Variants in SYNRG observed in about 807,000 individuals in gnomAD.
The protein encoded by SYNRG is AP1 gamma subunit binding protein 1.
SYNRG carries 37 observed loss-of-function variants against 130.9 expected under a neutral mutation model. The observed-to-expected ratio is 0.28, with a 90% CI of 0.22 to 0.37. The LOEUF (loss-of-function observed/expected upper bound fraction) is 0.37. Ranked by LOEUF, SYNRG falls within the 10% of genes least tolerant of loss-of-function variation. The pLI is 1.00. For synonymous variants in SYNRG, 539 were observed against 568.1 expected, an observed-to-expected ratio of 0.95 and a Z score of 0.73; for missense variants, 1,338 against 1,588.9, an observed-to-expected ratio of 0.84 and a Z score of 2.68.
rs560514914 is a variant in SYNRG, at chr17:37,536,312, T to C, written c.3518-185A>G. The C allele has an allele frequency of 7.4e-5, 53 of 718,922 alleles. No individual in the cohort carries two copies. In the East Asian group the frequency reaches 1.2e-3, roughly 16 times the overall value. 44.5% of individuals were successfully genotyped at this position (718,922 alleles called of 1,614,324 possible). A position where few individuals can be genotyped will look rare whatever the true frequency, so the allele number is the denominator to read the frequency against. On this transcript the variant is annotated intron_variant, in intron 18 of 21. Transcript: ENST00000612223. ...GCTGTATAGCTTACTGGTAAGAGCA[T>C]AGAAGCTGCACTGCTTGGGTTCAAA...
rs997804213 is a variant in SYNRG at position 37,542,357 on chromosome 17, G to A, written c.2817C>T (p.Ile939=). 6.8e-6 allele frequency: 11 copies of A among 1,614,180 alleles called. No homozygotes were observed. The highest frequency in any genetic ancestry group is 9.3e-6 in the Non-Finnish European group (11 of 1,180,034). The part of the protein sequence containing the change: ...KETSFGSSEN[I]TMTSLSKVTT... The stretch of plus-strand genomic sequence containing the variant: ...TTACTTTGGAGAGAGATGTCATGGT[G>A]ATGTTTTCAGAACTGCCAAATGAAG... Residue 939 remains isoleucine, a synonymous_variant, in exon 15 of 22, where the codon ATC becomes ATT. Coordinates refer to ENST00000612223, the MANE Select transcript of SYNRG (RefSeq NM_007247.6).
intron 16 of SYNRG, 69 bp downstream of exon 16, chr17:37,540,311 C>CGG: frequency 6.5e-7 from 1 of 1,542,550 alleles, no homozygotes; most frequent in Non-Finnish European, 8.8e-7. Context: ...AAGCTGACAG[C>CGG]ATTCTTTCTT....
chr17:37,519,367 C>G (rs1443598067), intron 21 of SYNRG, among the ~76,000 whole-genome samples: 1 of 152,238 alleles, frequency 6.6e-6, no homozygotes, highest in South Asian at 2.1e-4. Flanking sequence ...ATAAGGGGAA[C>G]TGAAGTAGCC....
At chr17:37,527,616 T>TA (rs973745250) in intron 19 of SYNRG, among the ~76,000 whole-genome samples, 1 of 152,062 alleles carries the variant, frequency 6.6e-6, no homozygotes, top group East Asian at 1.9e-4. Context: ...ATGATACAAA[T>TA]AAAAAAATCC....
At chr17:37,562,760 C>G (rs1275903124) in intron 11 of SYNRG, among the ~76,000 whole-genome samples, 2 of 151,846 alleles carry the variant, frequency 1.3e-5, no homozygotes, top group African/African-American at 4.8e-5. Context: ...TGTAAGTGGA[C>G]TTTTTAAAAG....
At chr17:37,581,356 C>T (rs1303794340) in intron 6 of SYNRG, among the ~76,000 whole-genome samples, 3 of 152,106 alleles carry the variant, frequency 2.0e-5, no homozygotes, top group Non-Finnish European at 4.4e-5. Flanking sequence ...CAGCTCACCG[C>T]AACCTCTGCC....
intron 14 of SYNRG, among the ~76,000 whole-genome samples, chr17:37,550,574 GGAAAA>G (rs1257276979): frequency 6.6e-6 from 1 of 151,882 alleles, no homozygotes; most frequent in African/African-American, 2.4e-5. Context: ...CAGAAGAGCT[GGAAAA>G]GAAGTCATCA....
At chr17:37,520,262 C>T (rs1298816261) in intron 20 of SYNRG, 48 bp from the exon 21 acceptor site, 1 of 1,610,910 alleles carries the variant, frequency 6.2e-7, no homozygotes, top group Non-Finnish European at 8.5e-7. Context: ...CAGAACAGGG[C>T]CTCTTGCCTC....
chr17:37,549,157 A>C (rs2058524411), intron 14 of SYNRG, among the ~76,000 whole-genome samples: 1 of 151,030 alleles, frequency 6.6e-6, no homozygotes, highest in African/African-American at 2.4e-5. Flanking sequence ...AAAAGTCCTC[A>C]TCTTCAGTGA....
intron 6 of SYNRG, among the ~76,000 whole-genome samples, chr17:37,582,622 A>G (rs376794957): frequency 2.0e-5 from 3 of 152,194 alleles, no homozygotes; most frequent in Non-Finnish European, 4.4e-5. Flanking sequence ...GCACTTTGGA[A>G]GGCTAAAGCA....
rs143289977 is a variant in SYNRG, at chr17:37,586,477, G to C, written c.313C>G (p.Arg105Gly). ...GGAGTGTACTGTGGGCCTGGAGGAC[G>C]CATGCCCAGGAAGGGTGCTTGTCCT... ...YLGQAPFLGMRPPGPQYTPDM... is the reference protein window; with the variant it reads ...YLGQAPFLGMGPPGPQYTPDM... Residue 105 changes from arginine (R) to glycine (G), a missense_variant, in exon 4 of 22, where the codon CGT (arginine) becomes GGT (glycine). Physicochemically the swap from Arg to Gly is moderately radical, Grantham distance 125 (BLOSUM62 -2). Transcript: ENST00000612223. 1.9e-6 allele frequency: 3 copies of C among 1,614,008 alleles called. No individual in the cohort carries two copies. Among genetic ancestry groups the C allele is most frequent in the East Asian group, 2.2e-5 (1 of 44,898 alleles).
At chr17:37,546,371 A>G (rs1442587680) in intron 14 of SYNRG, among the ~76,000 whole-genome samples, 1 of 152,350 alleles carries the variant, frequency 6.6e-6, no homozygotes, top group Middle Eastern at 3.4e-3. Context: ...TGCTAGGCTG[A>G]CTGCATTTGC....
rs1300070999 is a variant in SYNRG at position 37,540,932 on chromosome 17, C to T, written c.3203-389G>A. On this transcript the variant is annotated intron_variant, in intron 15 of 21. Coordinates refer to ENST00000612223, the MANE Select transcript of SYNRG (RefSeq NM_007247.6). ...TACAGGTGTGAGCCACCGCGCCCAGCCCACGACCCTCTTCTTCAGATGCTT... is the reference window on the plus strand; with the variant it reads ...TACAGGTGTGAGCCACCGCGCCCAGTCCACGACCCTCTTCTTCAGATGCTT... The T allele has an allele frequency of 6.0e-6, 6 of 995,280 alleles. No individual in the cohort carries two copies. In the East Asian group the frequency reaches 6.5e-4, roughly 109 times the overall value. The allele number at this position is 995,280 out of a possible 1,614,324, so 61.7% of individuals were successfully genotyped here.
chr17:37,584,788 C>G (rs771231635), intron 5 of SYNRG, 29 bp from the exon 6 acceptor site: 42 of 1,529,266 alleles, frequency 2.7e-5, no homozygotes, highest in Middle Eastern at 1.7e-4. Context: ...ATGCGTATTT[C>G]TTTACTTATC....
chr17:37,538,900 G>T, intron 17 of SYNRG: 1 of 542,028 alleles, frequency 1.8e-6, no homozygotes, highest in Non-Finnish European at 2.4e-6. Context: ...AGCCAAGACA[G>T]GTTCTTTAGC....
chr17:37,604,523 T>A (rs544080869), intron 1 of SYNRG, among the ~76,000 whole-genome samples: 1 of 152,234 alleles, frequency 6.6e-6, no homozygotes, highest in African/African-American at 2.4e-5. Flanking sequence ...AAGGGAATGT[T>A]AAGGGTGGTT....
At chr17:37,531,244 C>A (rs1029891116) in intron 19 of SYNRG, among the ~76,000 whole-genome samples, 3 of 151,442 alleles carry the variant, frequency 2.0e-5, no homozygotes, top group Non-Finnish European at 4.4e-5. Context: ...AAACAATGAA[C>A]AAACAGGTAA....
At chr17:37,580,477 T>TAG (rs2061212483) in intron 6 of SYNRG, among the ~76,000 whole-genome samples, 1 of 83,804 alleles carries the variant, frequency 1.2e-5, no homozygotes, top group Non-Finnish European at 2.2e-5. Flanking sequence ...TCTTTGTATT[T>TAG]CGTGTGTGTG....
At chr17:37,583,716 G>A (rs1187411030) in intron 6 of SYNRG, among the ~76,000 whole-genome samples, 1 of 152,134 alleles carries the variant, frequency 6.6e-6, no homozygotes, top group Non-Finnish European at 1.5e-5. Flanking sequence ...TTTTTGAGAT[G>A]GAGTCTTGCT....
Sources: gnomAD v4.1 joint callset for allele counts (sites outside exome capture counted in the v4.1 genomes callset) on GRCh38, gnomAD v4.1.1 for gene constraint, MANE v1.5 for transcripts, NCBI Gene and HGNC (gene_info 2026-07-23, HGNC 2026-07-21) for gene names.